Variants in MME observed in about 807,000 individuals in gnomAD.
MME encodes the protein neprilysin.
Under a neutral mutation model 113.2 loss-of-function variants are expected in MME, and 98 were observed. The observed-to-expected ratio is 0.87, with a 90% CI of 0.74 to 1.02. MME has a LOEUF of 1.02. Ranked by LOEUF, MME falls within the 50% of genes least tolerant of loss-of-function variation. MME has a pLI of 0.00. For missense variants in MME, 836 were observed against 896.0 expected (o/e 0.93, Z 0.86); for synonymous variants, 292 against 300.6 (o/e 0.97, Z 0.30).
At chr3:155,160,644 T>C (rs1477900395) in intron 17 of MME, among the ~76,000 whole-genome samples, 196 bp downstream of exon 17, 1 of 152,088 alleles carries the variant, frequency 6.6e-6, no homozygotes, top group Non-Finnish European at 1.5e-5. Context: ...TTGGTACAAA[T>C]CACGTTAAGT....
rs781288611 is a variant in MME, at chr3:155,138,088, T to C, written c.721-14T>C. 2 of 1,613,198 alleles carry C rather than the reference T, an allele frequency of 1.2e-6. No homozygotes were observed. The highest frequency in any genetic ancestry group is 1.7e-5 in the Admixed American group (1 of 60,000). The stretch of plus-strand genomic sequence containing the variant: ...GAGCTACTCCAACAGTTTAGTGCTA[T>C]TTTTTTCTTGCAGGCTTGTACAGCA... On this transcript the variant is annotated splice_polypyrimidine_tract_variant and intron_variant, in intron 8 of 22. Transcript: ENST00000360490.
intron 1 of MME, chr3:155,083,669 A>C (rs893576218): frequency 6.1e-6 from 1 of 164,824 alleles, no homozygotes; most frequent in African/African-American, 2.4e-5. Flanking sequence ...TATCTATATT[A>C]ATATTTCAAA....
chr3:155,160,448 G>T lies in MME; in HGVS notation c.1660G>T (p.Val554Phe). The stretch of plus-strand genomic sequence containing the variant: ...TTACTCTTCAGGAAGAAATCAGATA[G>T]GTAAGGTGTATTCTTAAATAATTAT... ...AFYSSGRNQI[V>F]FPAGILQPPF... The change falls in exon 17 of 23, where the codon GTC becomes TTC. Residue 554 changes from valine to phenylalanine, a missense_variant and splice_region_variant. Physicochemically the swap from Val to Phe is conservative, Grantham distance 50 (BLOSUM62 -1). Transcript: ENST00000360490. The T allele has an allele frequency of 6.3e-7, 1 of 1,584,654 alleles. No homozygotes were observed. Among genetic ancestry groups the T allele is most frequent in the Non-Finnish European group, 8.7e-7 (1 of 1,153,736 alleles).
At chr3:155,172,043 A>G in intron 20 of MME, 74 bp from the exon 21 acceptor site, 1 of 867,616 alleles carries the variant, frequency 1.2e-6, no homozygotes, top group South Asian at 1.5e-5. Flanking sequence ...ACTTGGTGGC[A>G]TGATCTTTTA....
intron 1 of MME, among the ~76,000 whole-genome samples, chr3:155,048,960 C>T (rs751022341): frequency 8.5e-5 from 13 of 152,096 alleles, no homozygotes; most frequent in Non-Finnish European, 1.8e-4. Context: ...ATTTCAAAAA[C>T]TCTGTTTTTA....
intron 10 of MME, among the ~76,000 whole-genome samples, chr3:155,141,074 G>C (rs1375345509): frequency 6.6e-6 from 1 of 152,088 alleles, no homozygotes; most frequent in East Asian, 1.9e-4. Context: ...TGTATTAGTT[G>C]ATGCACACAG....
At chr3:155,064,953 C>A (rs1714340400) in intron 1 of MME, among the ~76,000 whole-genome samples, 1 of 152,142 alleles carries the variant, frequency 6.6e-6, no homozygotes, top group Admixed American at 6.6e-5. Context: ...CATATTATCC[C>A]CGACTAAATT....
upstream of MME, among the ~76,000 whole-genome samples, chr3:155,079,229 G>C (rs1485695926): frequency 2.0e-5 from 3 of 152,006 alleles, no homozygotes; most frequent in East Asian, 5.8e-4. Flanking sequence ...GGGAGGGAGA[G>C]AGGACATTTA....
At chr3:155,083,971 A>T in intron 1 of MME, 187 bp from the exon 2 acceptor site, 1 of 581,540 alleles carries the variant, frequency 1.7e-6, no homozygotes, top group South Asian at 2.1e-5. Flanking sequence ...TGTGACTGAG[A>T]CCTGTCAAAT....
At chr3:155,140,125 A>G (rs913272407) in intron 9 of MME, 66 bp from the exon 10 acceptor site, 4 of 1,074,384 alleles carry the variant, frequency 3.7e-6, no homozygotes, top group Non-Finnish European at 4.2e-6. Context: ...TTTTACCCTC[A>G]TATGTAGTTA....
intron 1 of MME, among the ~76,000 whole-genome samples, chr3:155,037,718 A>G (rs567490412): frequency 2.0e-5 from 3 of 152,326 alleles, no homozygotes; most frequent in Admixed American, 6.5e-5. Context: ...TTCAAGAGAA[A>G]GGACATAATA....
intron 16 of MME, among the ~76,000 whole-genome samples, chr3:155,150,780 T>C (rs561701708): frequency 1.3e-5 from 2 of 152,330 alleles, no homozygotes; most frequent in South Asian, 4.1e-4. Flanking sequence ...TTCAATTTTA[T>C]GGAATTTTTC....
At chr3:155,140,860 A>C (rs1473267071) in intron 10 of MME, among the ~76,000 whole-genome samples, 1 of 152,178 alleles carries the variant, frequency 6.6e-6, no homozygotes. Flanking sequence ...TTTCCTTTTA[A>C]CTCCAAAAAA....
chr3:155,027,296 C>G (rs1212408554), intron 1 of MME, among the ~76,000 whole-genome samples: 1 of 152,168 alleles, frequency 6.6e-6, no homozygotes, highest in Non-Finnish European at 1.5e-5. Flanking sequence ...CTTCCCTCAT[C>G]TACACAACCA....
At chr3:155,056,660 C>G (rs113919299) in intron 1 of MME, among the ~76,000 whole-genome samples, 6,592 of 151,882 alleles carry the variant, frequency 0.043, 156 homozygotes, top group African/African-American at 0.052. Context: ...GTCTTTATAG[C>G]AGCATGATTT....
At chr3:155,133,063 ATAT>A (rs1393633525) in intron 8 of MME, among the ~76,000 whole-genome samples, 1 of 95,138 alleles carries the variant, frequency 1.1e-5, no homozygotes, top group African/African-American at 4.6e-5. Context: ...AAAAAAAAAA[ATAT>A]ATATATATAT....
chr3:155,172,480 A>G (rs1712085998), intron 21 of MME, 56 bp from the exon 22 acceptor site: 21 of 1,394,424 alleles, frequency 1.5e-5, no homozygotes, highest in African/African-American at 2.8e-5. Context: ...TGCTCAAACA[A>G]ATAATCCTTG....
At chr3:155,107,084 G>T (rs551943111) in intron 3 of MME, among the ~76,000 whole-genome samples, 261 of 152,304 alleles carry the variant, frequency 1.7e-3, no homozygotes, top group African/African-American at 5.8e-3. Flanking sequence ...GACCGGGCGT[G>T]GTGGCTCATG....
chr3:155,065,836 G>T (rs1290197675), intron 1 of MME, among the ~76,000 whole-genome samples: 1 of 152,170 alleles, frequency 6.6e-6, no homozygotes, highest in Admixed American at 6.5e-5. Flanking sequence ...TGACACTGTG[G>T]TCATAAAAGA....
Sources: gnomAD v4.1 joint callset for allele counts (sites outside exome capture counted in the v4.1 genomes callset) on GRCh38, gnomAD v4.1.1 for gene constraint, MANE v1.5 for transcripts, NCBI Gene and HGNC (gene_info 2026-07-23, HGNC 2026-07-21) for gene names.